Variants in ADAMTSL1 observed in about 807,000 individuals in gnomAD.
The protein encoded by ADAMTSL1 is ADAMTS-like protein 1.
In ADAMTSL1, 126 loss-of-function variants were observed where a neutral mutation model predicts 201.8. The observed-to-expected ratio is 0.62, with a 90% CI of 0.54 to 0.72. The LOEUF is 0.72. ADAMTSL1 is among the 30% of genes least tolerant of loss of function. ADAMTSL1 has a pLI of 0.00. For synonymous variants in ADAMTSL1, 1,121 were observed against 903.4 expected (o/e 1.24, Z -4.32); for missense variants, 2,679 against 2,277.8 (o/e 1.18, Z -3.59).
intron 2 of ADAMTSL1, among the ~76,000 whole-genome samples, chr9:18,217,015 C>G (rs1412708712): frequency 6.6e-6 from 1 of 151,878 alleles, no homozygotes; most frequent in Non-Finnish European, 1.5e-5. Context: ...ATGAGGAAGA[C>G]AAATGAGGGG....
chr9:18,254,598 C>T (rs887798076), intron 2 of ADAMTSL1, among the ~76,000 whole-genome samples: 39 of 151,704 alleles, frequency 2.6e-4, no homozygotes, highest in Non-Finnish European at 3.8e-4. Context: ...CTCCTGACTT[C>T]GTGATCCGCC....
At chr9:18,098,896 A>G (rs1824367813) in intron 1 of ADAMTSL1, among the ~76,000 whole-genome samples, 1 of 152,184 alleles carries the variant, frequency 6.6e-6, no homozygotes, top group African/African-American at 2.4e-5. Flanking sequence ...GTCCTTAAAC[A>G]AAGATCCAGG....
chr9:18,178,871 A>G (rs898513695), intron 2 of ADAMTSL1, among the ~76,000 whole-genome samples: 17 of 152,140 alleles, frequency 1.1e-4, no homozygotes, highest in East Asian at 3.9e-4. Context: ...CCAAAAACCC[A>G]TTTGTACATC....
chr9:18,829,827 C>T lies in ADAMTSL1; in HGVS notation c.4115-16C>T, dbSNP rs1307608922. 3 of 1,613,856 alleles carry T rather than the reference C, an allele frequency of 1.9e-6. No homozygotes were observed. The highest frequency in any genetic ancestry group is 1.7e-6 in the Non-Finnish European group (2 of 1,179,794). On this transcript the variant is annotated splice_polypyrimidine_tract_variant and intron_variant, in intron 22 of 28. Coordinates refer to ENST00000380548, the MANE Select transcript of ADAMTSL1 (RefSeq NM_001040272.6). Reference sequence around the variant, plus strand: ...TGTGCTTTAACCTGCCTGATCCACCCTCTGCCTTCTCACAGATCCCCCCCA... The same window carrying T: ...TGTGCTTTAACCTGCCTGATCCACCTTCTGCCTTCTCACAGATCCCCCCCA...
intron 1 of ADAMTSL1, among the ~76,000 whole-genome samples, chr9:17,978,028 T>C (rs1588511305): frequency 6.6e-6 from 1 of 152,170 alleles, no homozygotes; most frequent in East Asian, 1.9e-4. Context: ...TCTTGATTAA[T>C]TGACCCCTTT....
At chr9:18,029,663 A>G (rs1820853845) in intron 1 of ADAMTSL1, among the ~76,000 whole-genome samples, 1 of 152,120 alleles carries the variant, frequency 6.6e-6, no homozygotes, top group African/African-American at 2.4e-5. Context: ...CAAAGGGCTA[A>G]TATCCAGAAT....
At chr9:18,675,728 TG>T (rs2133127667) in intron 9 of ADAMTSL1, 128 bp from the exon 10 acceptor site, 3 of 821,766 alleles carry the variant, frequency 3.7e-6, no homozygotes, top group Admixed American at 2.5e-5. Flanking sequence ...GTTTTAGTGT[TG>T]TTTTATAGAT....
chr9:18,104,063 C>A (rs1824647993), intron 1 of ADAMTSL1, among the ~76,000 whole-genome samples: 1 of 152,126 alleles, frequency 6.6e-6, no homozygotes, highest in Non-Finnish European at 1.5e-5. Context: ...ATAGTAACAT[C>A]TTTACAGAAC....
At chr9:18,233,357 G>T (rs1034796308) in intron 2 of ADAMTSL1, among the ~76,000 whole-genome samples, 1 of 152,106 alleles carries the variant, frequency 6.6e-6, no homozygotes, top group Non-Finnish European at 1.5e-5. Context: ...TTAACACTTC[G>T]ATGAATTTCA....
chr9:18,329,442 C>T (rs1834946885), intron 2 of ADAMTSL1, among the ~76,000 whole-genome samples: 1 of 152,100 alleles, frequency 6.6e-6, no homozygotes, highest in Non-Finnish European at 1.5e-5. Context: ...GAACCAATTC[C>T]TAGAGATAAG....
At chr9:18,225,531 C>T (rs1391347014) in intron 2 of ADAMTSL1, among the ~76,000 whole-genome samples, 4 of 152,112 alleles carry the variant, frequency 2.6e-5, no homozygotes, top group Middle Eastern at 6.8e-3. Context: ...CTAGGCAATA[C>T]GTTATTAACG....
At chr9:18,298,126 A>T (rs1385244782) in intron 2 of ADAMTSL1, among the ~76,000 whole-genome samples, 1 of 152,214 alleles carries the variant, frequency 6.6e-6, no homozygotes, top group African/African-American at 2.4e-5. Flanking sequence ...CCGGAAAAGT[A>T]AAGAGACAGA....
At chr9:18,036,142 T>C (rs1821185952) in intron 1 of ADAMTSL1, among the ~76,000 whole-genome samples, 1 of 152,124 alleles carries the variant, frequency 6.6e-6, no homozygotes, top group Non-Finnish European at 1.5e-5. Context: ...AAGTAAAGAA[T>C]GACAGAAGGA....
intron 2 of ADAMTSL1, among the ~76,000 whole-genome samples, chr9:18,305,277 G>T (rs546683965): frequency 6.6e-6 from 1 of 152,184 alleles, no homozygotes; most frequent in Non-Finnish European, 1.5e-5. Flanking sequence ...AAAACTGGGC[G>T]GCTGTTTGAG....
chr9:18,388,757 T>A (rs987958332), intron 2 of ADAMTSL1, among the ~76,000 whole-genome samples: 3 of 151,704 alleles, frequency 2.0e-5, no homozygotes, highest in Admixed American at 6.6e-5. Context: ...AGCACTGAAT[T>A]TTTTTTTCTT....
rs571688553 is a variant in ADAMTSL1 at position 18,291,961 on chromosome 9, G to A, written c.207+127980G>A. 1.4e-3 allele frequency among the ~76,000 whole-genome samples: 219 copies of A among 152,148 alleles called. 1 individual carries two copies. The highest frequency in any genetic ancestry group is 0.014 in the Middle Eastern group (4 of 294). Reference sequence around the variant, plus strand: ...TCTCATCAGCCATATTTTAAGAATTGTATCCATAAGGTAATAAGAACTGAG... The same window carrying A: ...TCTCATCAGCCATATTTTAAGAATTATATCCATAAGGTAATAAGAACTGAG... On this transcript the variant is annotated intron_variant, in intron 2 of 29. Coordinates refer to the ADAMTSL1 transcript ENST00000680146.
chr9:18,141,874 C>T (rs1386492566), intron 1 of ADAMTSL1, among the ~76,000 whole-genome samples: 1 of 152,170 alleles, frequency 6.6e-6, no homozygotes, highest in Non-Finnish European at 1.5e-5. Flanking sequence ...CCTCACAAAC[C>T]ACTGTGCAGC....
At chr9:18,321,421 G>T (rs975553540) in intron 2 of ADAMTSL1, among the ~76,000 whole-genome samples, 4 of 152,160 alleles carry the variant, frequency 2.6e-5, no homozygotes, top group Non-Finnish European at 5.9e-5. Flanking sequence ...AAATCAGCAA[G>T]GATACGTAAG....
intron 7 of ADAMTSL1, among the ~76,000 whole-genome samples, chr9:18,641,193 C>T (rs1198518272): frequency 6.6e-6 from 1 of 152,000 alleles, no homozygotes; most frequent in Non-Finnish European, 1.5e-5. Flanking sequence ...TTCACTACCT[C>T]TTATTTCTTC....
Sources: gnomAD v4.1 joint callset for allele counts (sites outside exome capture counted in the v4.1 genomes callset) on GRCh38, gnomAD v4.1.1 for gene constraint, MANE v1.5 for transcripts, NCBI Gene and HGNC (gene_info 2026-07-23, HGNC 2026-07-21) for gene names.